The following SHC2 variants were observed in gnomAD, a reference collection of about 807,000 sequenced individuals.
The protein encoded by SHC2 is SHC adaptor protein 2, also known as SHC-transforming protein 2.
SHC2 carries 62 observed loss-of-function variants against 60.6 expected under a neutral mutation model. The ratio of observed to expected loss-of-function variants is 1.02; its 90% CI spans 0.83 to 1.26. The LOEUF (loss-of-function observed/expected upper bound fraction) is 1.26. Ranked by LOEUF, SHC2 falls within the 50% of genes most tolerant of loss-of-function variation. The pLI, the probability that SHC2 is intolerant of heterozygous loss-of-function variation, is 0.00. For synonymous variants in SHC2, 375 were observed against 372.4 expected, an observed-to-expected ratio of 1.01 and a Z score of -0.08; for missense variants, 873 against 822.2, an observed-to-expected ratio of 1.06 and a Z score of -0.76.
At chr19:459,893 G>A (rs867398417) in intron 1 of SHC2, among the ~76,000 whole-genome samples, 1 of 152,278 alleles carries the variant, frequency 6.6e-6, no homozygotes, top group Middle Eastern at 3.4e-3. Flanking sequence ...ACTTCACACG[G>A]TTTACTATAA....
At chr19:419,275 G>A (rs1055799020) in intron 11 of SHC2, 65 of 520,174 alleles carry the variant, frequency 1.2e-4, no homozygotes, top group Non-Finnish European at 1.7e-4. Flanking sequence ...CTGGGGCCAC[G>A]CTTCCTGTCG....
chr19:441,988 C>T lies in SHC2; in HGVS notation c.469-1056G>A, dbSNP rs142501717. Among the ~76,000 whole-genome samples the T allele has an allele frequency of 1.7e-3, 256 of 152,332 alleles. 2 individuals are homozygous for T. Among genetic ancestry groups the T allele is most frequent in the African/African-American group, 5.8e-3 (241 of 41,572 alleles). On this transcript the variant is annotated intron_variant, in intron 1 of 12. Coordinates refer to ENST00000264554, the MANE Select transcript of SHC2 (RefSeq NM_012435.3). The surrounding 1 kb of genome is among the most constrained non-coding windows in gnomAD (Gnocchi z 4.9). ...TGCCCCTCTCCACGGCTCCATGTAC[C>T]TGGAGCAGGGAGAGCAAGGAGCAGA...
At position 431,618 on chromosome 19, in the gene SHC2, G is replaced by C. The variant is rs1193999252; in HGVS notation, c.1111-871C>G. 3.0e-4 allele frequency among the ~76,000 whole-genome samples: 12 copies of C among 40,366 alleles called. 1 individual carries two copies. Among genetic ancestry groups the C allele is most frequent in the Non-Finnish European group, 4.8e-4 (12 of 25,216 alleles). 26.5% of individuals were successfully genotyped at this position (40,366 alleles called of 152,430 possible). ...CCGGGCAGATAGATGGCGCTTCATC[G>C]TGAGTGAGATCGTGAGTGAGAGATA... On this transcript the variant is annotated intron_variant, in intron 8 of 12. Transcript: ENST00000264554.
Position 439,031 on chromosome 19 carries a change from C to T in SHC2, c.540-1G>A. 7.2e-7 allele frequency: 1 copy of T among 1,379,502 alleles called. No individual in the cohort carries two copies. The highest frequency in any genetic ancestry group is 9.6e-7 in the Non-Finnish European group (1 of 1,040,704). 85.5% of individuals were successfully genotyped at this position (1,379,502 alleles called of 1,614,324 possible). A position where few individuals can be genotyped will look rare whatever the true frequency, so the allele number is the denominator to read the frequency against. ...CTCATGGAGCCGGTTGATGGCTTCC[C>T]TGGGGTTGGGAGGAGGGGGCTTAGA... is the stretch of plus-strand genomic sequence containing the variant. On this transcript the variant is annotated splice_acceptor_variant, in intron 2 of 12. Transcript: ENST00000264554. LOFTEE classifies it high-confidence loss of function.
chr19:431,372 G>A (rs1463926896), intron 8 of SHC2, among the ~76,000 whole-genome samples: 1 of 137,470 alleles, frequency 7.3e-6, no homozygotes, highest in East Asian at 2.0e-4. Context: ...GATAGAGGAG[G>A]CCAGGCAGAT....
At chr19:436,098 G>A in intron 7 of SHC2, 67 bp downstream of exon 7, 1 of 1,554,502 alleles carries the variant, frequency 6.4e-7, no homozygotes, top group East Asian at 2.3e-5. Flanking sequence ...AGGAGGTGGA[G>A]CAGGCTCTGC....
chr19:460,508 G>A, intron 1 of SHC2, 21 bp downstream of exon 1: 2 of 1,226,304 alleles, frequency 1.6e-6, no homozygotes, highest in Non-Finnish European at 2.1e-6. Context: ...CGGGCTCCCG[G>A]GGGGGGTGGG....
chr19:421,746 C>T (rs1191989960), intron 11 of SHC2, among the ~76,000 whole-genome samples: 1 of 152,024 alleles, frequency 6.6e-6, no homozygotes, highest in African/African-American at 2.4e-5. Flanking sequence ...TGGCAAGGCC[C>T]CATCTCTACA....
In SHC2 at chr19:440,280, C is replaced by G. The variant is rs1222790670; in HGVS notation, c.539+582G>C. Among the ~76,000 whole-genome samples the G allele has an allele frequency of 2.0e-5, 3 of 152,026 alleles. No individual in the cohort carries two copies. The highest frequency in any genetic ancestry group is 7.3e-5 in the African/African-American group (3 of 41,370). On this transcript the variant is annotated intron_variant, in intron 2 of 12. Transcript: ENST00000264554. This position sits in a 1 kb window ranked among gnomAD's most constrained non-coding sequence, Gnocchi z 7.0. ...GATGGGGTAATGAGAATGTTCGGAA[C>G]TAGACAGTGGTGATCGTGTGACTCT...
chr19:427,627 G>C (rs1251387294), intron 9 of SHC2, among the ~76,000 whole-genome samples: 2 of 108,508 alleles, frequency 1.8e-5, no homozygotes, highest in East Asian at 3.4e-4. Context: ...GCACGGCACA[G>C]GTAAGGGGAC....
chr19:459,328 G>A (rs973100160), intron 1 of SHC2, among the ~76,000 whole-genome samples: 1 of 131,446 alleles, frequency 7.6e-6, no homozygotes, highest in African/African-American at 3.1e-5. Flanking sequence ...ACTGAACCCA[G>A]CGTAGGGGGA....
At chr19:442,560 T>C (rs1600305619) in intron 1 of SHC2, among the ~76,000 whole-genome samples, 1 of 19,698 alleles carries the variant, frequency 5.1e-5, no homozygotes, top group African/African-American at 2.1e-4. Context: ...GATGGGTGGG[T>C]GGGTGGACGG....
rs989528247 is a variant in SHC2 at position 455,615 on chromosome 19, C to T, written c.468+4914G>A. Among the ~76,000 whole-genome samples, 4 of 152,250 alleles carry T rather than the reference C, an allele frequency of 2.6e-5. No individual in the cohort carries two copies. The South Asian group carries it at 8.3e-4, about 31-fold the overall frequency. Reference sequence around the variant, plus strand: ...CTGAGTCGCCCGGCCCATCCACTCCCTCTTGCTGCTATCACCAATCACCAC... The same window carrying T: ...CTGAGTCGCCCGGCCCATCCACTCCTTCTTGCTGCTATCACCAATCACCAC... On this transcript the variant is annotated intron_variant, in intron 1 of 12. Coordinates refer to ENST00000264554, the MANE Select transcript of SHC2 (RefSeq NM_012435.3).
rs543695824 is a variant in SHC2, at chr19:457,196, A to T, written c.468+3333T>A. Among the ~76,000 whole-genome samples the T allele has an allele frequency of 3.0e-3, 352 of 116,630 alleles. 5 individuals are homozygous for T. The highest frequency in any genetic ancestry group is 0.013 in the African/African-American group (322 of 25,408). The allele number at this position is 116,630 out of a possible 152,430, so 76.5% of individuals were successfully genotyped here. On this transcript the variant is annotated intron_variant, in intron 1 of 12. Coordinates refer to ENST00000264554, the MANE Select transcript of SHC2 (RefSeq NM_012435.3). ...CAGCACCTGCTGTGCCCCGACTAGA[A>T]CTCTGTCTGCAAACCCCACCACATC... is the stretch of plus-strand genomic sequence containing the variant.
At chr19:435,923 G>A (rs1974703570) in intron 7 of SHC2, 1 of 499,492 alleles carries the variant, frequency 2.0e-6, no homozygotes, top group Non-Finnish European at 3.6e-6. Flanking sequence ...GACAGCCTCA[G>A]GCACACCGGG....
At chr19:427,232 AG>A (rs1487697333) in intron 9 of SHC2, among the ~76,000 whole-genome samples, 1 of 152,040 alleles carries the variant, frequency 6.6e-6, no homozygotes, top group African/African-American at 2.4e-5. Flanking sequence ...GTTAGGAAAC[AG>A]GCAGCCGCAG....
intron 1 of SHC2, among the ~76,000 whole-genome samples, chr19:459,755 G>T (rs976944596): frequency 1.3e-5 from 2 of 152,222 alleles, no homozygotes; most frequent in African/African-American, 4.8e-5. Context: ...GGAGCTGGGA[G>T]CACCCACCGG....
rs1452249755 is a variant in SHC2, at chr19:424,358, A to G, written c.1309+739T>C. On this transcript the variant is annotated intron_variant, in intron 10 of 12. Coordinates refer to ENST00000264554, the MANE Select transcript of SHC2 (RefSeq NM_012435.3). This position sits in a 1 kb window ranked among gnomAD's most constrained non-coding sequence, Gnocchi z 4.5. Reference sequence around the variant, plus strand: ...CATTGGACTGGGCGTTCCTTCAAGCAGGAAGCTGTGCCTCCCCCATCAGGC... The same window carrying G: ...CATTGGACTGGGCGTTCCTTCAAGCGGGAAGCTGTGCCTCCCCCATCAGGC... Among the ~76,000 whole-genome samples, 1 of 152,234 alleles carries G rather than the reference A, an allele frequency of 6.6e-6. No homozygotes were observed. The highest frequency in any genetic ancestry group is 1.9e-4 in the East Asian group (1 of 5,184).
intron 1 of SHC2, among the ~76,000 whole-genome samples, chr19:447,339 G>A (rs965186967): frequency 2.0e-5 from 3 of 152,256 alleles, no homozygotes; most frequent in South Asian, 4.1e-4. Flanking sequence ...GAGGGCAGGC[G>A]ATAAGTTTCC....
Sources: gnomAD v4.1 joint callset for allele counts (sites outside exome capture counted in the v4.1 genomes callset) on GRCh38, gnomAD v4.1.1 for gene constraint, Gnocchi (gnomAD v3.1) non-coding constraint, MANE v1.5 for transcripts, NCBI Gene and HGNC (gene_info 2026-07-23, HGNC 2026-07-21) for gene names.